The following RPS6KC1 variants were observed in gnomAD, a reference collection of about 807,000 sequenced individuals.
RPS6KC1 encodes inactive ribosomal protein S6 kinase delta-1.
RPS6KC1 carries 54 observed loss-of-function variants against 103.8 expected under a neutral mutation model. The ratio of observed to expected loss-of-function variants is 0.52; its 90% CI spans 0.42 to 0.65. The LOEUF is 0.65. Among genes scored for constraint, RPS6KC1 ranks in the 30% least tolerant of loss-of-function variants. The pLI is 0.00. For synonymous variants in RPS6KC1, 439 were observed against 438.7 expected (o/e 1.00, Z -0.01); for missense variants, 1,151 against 1,253.8 (o/e 0.92, Z 1.24).
At chr1:213,515,018 A>G in the RPS6KC1 span, among the ~76,000 whole-genome samples, 2 of 152,184 alleles carry the variant, frequency 1.3e-5, no homozygotes, top group Non-Finnish European at 2.9e-5. Flanking sequence ...TTGGCTGCAT[A>G]AATGTCTTCT....
chr1:213,134,415 T>C (rs563258675), intron 6 of RPS6KC1, among the ~76,000 whole-genome samples: 1 of 152,084 alleles, frequency 6.6e-6, no homozygotes, highest in East Asian at 1.9e-4. Flanking sequence ...CATTTCATAA[T>C]GTATTTCTGG....
intron 5 of RPS6KC1, among the ~76,000 whole-genome samples, chr1:213,118,020 T>TAAAAAAAAAAAA (rs2083872405): frequency 1.7e-4 from 2 of 12,056 alleles, no homozygotes; most frequent in African/African-American, 1.3e-3. Flanking sequence ...AGACTTTGTC[T>TAAAAAAAAAAAA]CAAAAAAAAA....
chr1:213,267,385 G>T (rs1392051576), intron 14 of RPS6KC1, among the ~76,000 whole-genome samples: 2 of 151,806 alleles, frequency 1.3e-5, no homozygotes, highest in Non-Finnish European at 2.9e-5. Context: ...ACTGAAACAA[G>T]TTACCAAACA....
chr1:213,054,147 T>C (rs1471207279), intron 1 of RPS6KC1, among the ~76,000 whole-genome samples: 1 of 152,242 alleles, frequency 6.6e-6, no homozygotes, highest in Non-Finnish European at 1.5e-5. Context: ...ATTCAGATCT[T>C]AAATATCTGA....
At chr1:213,158,875 CAT>C (rs1403040138) in intron 6 of RPS6KC1, among the ~76,000 whole-genome samples, 2 of 152,052 alleles carry the variant, frequency 1.3e-5, no homozygotes, top group Non-Finnish European at 2.9e-5. Context: ...GTTCTGGAAA[CAT>C]AGAACTTTAG....
chr1:213,567,861 T>A, the RPS6KC1 span, among the ~76,000 whole-genome samples: 4 of 152,230 alleles, frequency 2.6e-5, no homozygotes, highest in South Asian at 8.3e-4. Flanking sequence ...GAGAAACCCA[T>A]CCCTGGCCTG....
At chr1:213,805,388 T>C in the RPS6KC1 span, among the ~76,000 whole-genome samples, 3 of 150,476 alleles carry the variant, frequency 2.0e-5, no homozygotes, top group Non-Finnish European at 2.9e-5. Context: ...CCAACGAAGT[T>C]TATGTAACAT....
At chr1:213,400,450 G>A in the RPS6KC1 span, among the ~76,000 whole-genome samples, 1 of 152,176 alleles carries the variant, frequency 6.6e-6, no homozygotes, top group African/African-American at 2.4e-5. Context: ...CTATAGCAAT[G>A]TACAATTTTT....
the RPS6KC1 span, among the ~76,000 whole-genome samples, chr1:213,286,603 C>T: frequency 1.3e-5 from 2 of 152,194 alleles, no homozygotes; most frequent in Admixed American, 1.3e-4. Flanking sequence ...AGCATTTATC[C>T]TGATTTTTAT....
chr1:213,681,167 C>T, the RPS6KC1 span, among the ~76,000 whole-genome samples: 1 of 152,126 alleles, frequency 6.6e-6, no homozygotes, highest in Non-Finnish European at 1.5e-5. Flanking sequence ...AGCTCTCACT[C>T]CCTAGGAGCC....
At chr1:213,109,339 A>G (rs1476071307) in intron 4 of RPS6KC1, among the ~76,000 whole-genome samples, 4 of 151,796 alleles carry the variant, frequency 2.6e-5, no homozygotes, top group African/African-American at 4.8e-5. Flanking sequence ...GGGTTTCACC[A>G]TGTTAGCCAG....
chr1:213,137,294 G>T (rs1389742772), intron 6 of RPS6KC1, among the ~76,000 whole-genome samples: 1 of 150,510 alleles, frequency 6.6e-6, no homozygotes, highest in Non-Finnish European at 1.5e-5. Context: ...TCACTTTCGA[G>T]CCTATAAAGC....
At chr1:213,258,526 T>C (rs1009902860) in intron 12 of RPS6KC1, among the ~76,000 whole-genome samples, 1 of 152,214 alleles carries the variant, frequency 6.6e-6, no homozygotes, top group African/African-American at 2.4e-5. Flanking sequence ...GGAGGAATAG[T>C]GCCTAGTACA....
At chr1:213,231,826 G>A (rs2094111048) in intron 9 of RPS6KC1, among the ~76,000 whole-genome samples, 1 of 152,164 alleles carries the variant, frequency 6.6e-6, no homozygotes, top group South Asian at 2.1e-4. Context: ...AGGTCACAGA[G>A]AAATAACTGT....
chr1:213,689,892 C>G, the RPS6KC1 span, among the ~76,000 whole-genome samples: 2 of 152,202 alleles, frequency 1.3e-5, no homozygotes, highest in Non-Finnish European at 2.9e-5. Context: ...GACATACACT[C>G]AATGTATGGT....
chr1:213,413,267 A>T, the RPS6KC1 span, among the ~76,000 whole-genome samples: 3 of 152,250 alleles, frequency 2.0e-5, no homozygotes, highest in Non-Finnish European at 2.9e-5. Flanking sequence ...TGTATTAGGA[A>T]CATTCCAATT....
At chr1:213,278,155 C>T (rs890702749), downstream of RPS6KC1, among the ~76,000 whole-genome samples, 14 of 151,396 alleles carry the variant, frequency 9.2e-5, no homozygotes, top group East Asian at 3.9e-4. Flanking sequence ...CAGTGAACCA[C>T]GATCACACCA....
At chr1:213,817,752 G>A in the RPS6KC1 span, 1 of 151,966 alleles carries the variant, frequency 6.6e-6, no homozygotes, top group Admixed American at 6.6e-5. Context: ...CAGGCAGACT[G>A]CATTTTATTA....
At chr1:213,104,693 C>T in intron 4 of RPS6KC1, 124 bp downstream of exon 4, 3 of 464,540 alleles carry the variant, frequency 6.5e-6, no homozygotes, top group South Asian at 3.4e-5. Context: ...ATTAATAGCT[C>T]TATAATAATG....
Sources: gnomAD v4.1 joint callset for allele counts (sites outside exome capture counted in the v4.1 genomes callset) on GRCh38, gnomAD v4.1.1 for gene constraint, MANE v1.5 for transcripts, NCBI Gene and HGNC (gene_info 2026-07-23, HGNC 2026-07-21) for gene names.